Variants in FAM149A observed in about 807,000 individuals in gnomAD.
The protein encoded by FAM149A is protein FAM149A.
Under a neutral mutation model 78.2 loss-of-function variants are expected in FAM149A, and 71 were observed. The observed-to-expected ratio is 0.91, with a 90% CI of 0.75 to 1.11. The LOEUF (loss-of-function observed/expected upper bound fraction) is 1.11. Ranked by LOEUF, FAM149A falls within the 50% of genes least tolerant of loss-of-function variation. The probability of loss-of-function intolerance (pLI) is 0.00; values close to 1 mark genes in which losing one functional copy is unlikely to be tolerated. For missense variants in FAM149A, 1,036 were observed against 971.0 expected, an observed-to-expected ratio of 1.07 and a Z score of -0.89; for synonymous variants, 446 against 410.5, an observed-to-expected ratio of 1.09 and a Z score of -1.04.
At chr4:186,137,021 A>ACTCTCTCTCTCTCTCTCTCTCTCTCTCTC (rs1554068550) in intron 1 of FAM149A, among the ~76,000 whole-genome samples, 1 of 93,782 alleles carries the variant, frequency 1.1e-5, no homozygotes, top group East Asian at 4.8e-4. Flanking sequence ...TCTCTCTCTA[A>ACTCTCTCTCTCTCTCTCTCTCTCTCTCTC]GTGCTTAAAG....
chr4:186,130,911 G>A (rs1330643838), intron 1 of FAM149A, among the ~76,000 whole-genome samples: 2 of 152,138 alleles, frequency 1.3e-5, no homozygotes, highest in African/African-American at 4.8e-5. Context: ...GTGAAAAGAT[G>A]GTTGCTATGA....
intron 7 of FAM149A, among the ~76,000 whole-genome samples, chr4:186,156,921 A>AGCTATGATTGTGCCGCT (rs148148966): frequency 3.0e-4 from 46 of 151,942 alleles, no homozygotes; most frequent in Non-Finnish European, 6.6e-4. Context: ...ATTGAAAGTG[A>AGCTATGATTGTGCCGCT]GCACTCCATC....
intron 1 of FAM149A, among the ~76,000 whole-genome samples, chr4:186,126,714 C>T (rs1461630375): frequency 6.6e-6 from 1 of 152,122 alleles, no homozygotes; most frequent in Non-Finnish European, 1.5e-5. Flanking sequence ...CACACTCGGG[C>T]TGGATCACAC....
rs753727087 is a variant in FAM149A, at chr4:186,163,589, A to G, written c.1845A>G (p.Lys615=). Residue 615 remains lysine (K), a synonymous_variant, in exon 10 of 14, where the codon AAA becomes AAG. Transcript: ENST00000389354. ...TTGCTTCAGATTCACAGAGACTAAA[A>G]ACTCCCAACATCTATAGTGACGAAG... The G allele has an allele frequency of 3.7e-6, 6 of 1,614,128 alleles. No homozygotes were observed. The highest frequency in any genetic ancestry group is 8.5e-7 in the Non-Finnish European group (1 of 1,180,008).
chr4:186,152,505 T>C (rs74565951), intron 4 of FAM149A, among the ~76,000 whole-genome samples: 1,708 of 151,294 alleles, frequency 0.011, 42 homozygotes, highest in South Asian at 0.095. Context: ...AGAATATGGA[T>C]TGGGTATGAA....
intron 8 of FAM149A, chr4:186,157,995 A>AT: frequency 2.0e-6 from 3 of 1,485,812 alleles, no homozygotes; most frequent in Non-Finnish European, 2.7e-6. Flanking sequence ...TGGCTTCCAG[A>AT]TGGAGCAGTA....
chr4:186,173,739 T>C lies in FAM149A; in HGVS notation c.*1752T>C, dbSNP rs184387040. On this transcript the variant is annotated 3_prime_UTR_variant, in exon 14 of 14. Transcript: ENST00000389354. Reference sequence around the variant, plus strand: ...GCAGCGACCACCAGGTCCATGCCTCTTTTCCGTGGTCACAGCTCCATGTGT... The same window carrying C: ...GCAGCGACCACCAGGTCCATGCCTCCTTTCCGTGGTCACAGCTCCATGTGT... Among the ~76,000 whole-genome samples, 19 of 112,832 alleles carry C rather than the reference T, an allele frequency of 1.7e-4. 6 individuals carry two copies. Among genetic ancestry groups the C allele is most frequent in the Non-Finnish European group, 3.6e-4 (16 of 44,644 alleles). The allele number at this position is 112,832 out of a possible 152,430, so 74.0% of individuals were successfully genotyped here. A position where few individuals can be genotyped will look rare whatever the true frequency, so the allele number is the denominator to read the frequency against.
chr4:186,154,984 A>G (rs1358340860), intron 6 of FAM149A: 2 of 968,868 alleles, frequency 2.1e-6, no homozygotes, highest in African/African-American at 3.6e-5. Flanking sequence ...TTTTTTTGAG[A>G]CGGAGTCTCG....
chr4:186,161,738 A>G (rs1734624368), intron 8 of FAM149A, among the ~76,000 whole-genome samples: 1 of 152,208 alleles, frequency 6.6e-6, no homozygotes, highest in Non-Finnish European at 1.5e-5. Context: ...TTAACAGAAT[A>G]AAAATAGAGC....
chr4:186,144,807 G>A lies in FAM149A; in HGVS notation c.567-4366G>A. 1 of 981,800 alleles carries A rather than the reference G, an allele frequency of 1.0e-6. No homozygotes were observed. Among genetic ancestry groups the A allele is most frequent in the Non-Finnish European group, 1.2e-6 (1 of 827,026 alleles). 60.8% of individuals were successfully genotyped at this position (981,800 alleles called of 1,614,324 possible). A position where few individuals can be genotyped will look rare whatever the true frequency, so the allele number is the denominator to read the frequency against. On this transcript the variant is annotated intron_variant, in intron 1 of 13. Coordinates refer to ENST00000389354, the MANE Select transcript of FAM149A (RefSeq NM_001367768.3). The surrounding 1 kb of genome is among the most constrained non-coding windows in gnomAD (Gnocchi z 4.2). ...CTGGCGGGCGAGGGCGCAGCGCAGG[G>A]AGGAGGAGGGGAGGCGGCGCCGGCG...
At chr4:186,143,545 TTGTTTG>T (rs1304658059) in intron 1 of FAM149A, among the ~76,000 whole-genome samples, 1 of 152,066 alleles carries the variant, frequency 6.6e-6, no homozygotes, top group Non-Finnish European at 1.5e-5. Flanking sequence ...GATTACTGTT[TTGTTTG>T]TGTTTGTTTT....
intron 1 of FAM149A, among the ~76,000 whole-genome samples, chr4:186,148,051 G>C (rs1733195349): frequency 6.6e-6 from 1 of 152,202 alleles, no homozygotes; most frequent in Admixed American, 6.5e-5. Context: ...TGTTGGCTGG[G>C]TGTGGTGGCT....
At chr4:186,148,166 A>C (rs1030563560) in intron 1 of FAM149A, among the ~76,000 whole-genome samples, 4 of 152,128 alleles carry the variant, frequency 2.6e-5, no homozygotes, top group African/African-American at 9.7e-5. Context: ...GTCTCTACTA[A>C]AAATACAAAA....
chr4:186,144,645 T>G lies in FAM149A; in HGVS notation c.567-4528T>G, dbSNP rs1034913453. 1 of 214,668 alleles carries G rather than the reference T, an allele frequency of 4.7e-6. No individual in the cohort carries two copies. The highest frequency in any genetic ancestry group is 8.0e-6 in the Non-Finnish European group (1 of 124,906). 13.3% of individuals were successfully genotyped at this position (214,668 alleles called of 1,614,324 possible). A position where few individuals can be genotyped will look rare whatever the true frequency, so the allele number is the denominator to read the frequency against. On this transcript the variant is annotated intron_variant, in intron 1 of 13. Transcript: ENST00000389354. This position sits in a 1 kb window ranked among gnomAD's most constrained non-coding sequence, Gnocchi z 4.2. ...GGGAAGGAGTAGGGAGGCCGGGCCGTGCGCGGAGGAGTGGCCGCTGGGTTG... is the reference window on the plus strand; with the variant it reads ...GGGAAGGAGTAGGGAGGCCGGGCCGGGCGCGGAGGAGTGGCCGCTGGGTTG...
chr4:186,112,161 G>A (rs2099311565), intron 1 of FAM149A, among the ~76,000 whole-genome samples: 1 of 145,902 alleles, frequency 6.9e-6, no homozygotes, highest in Non-Finnish European at 1.5e-5. Flanking sequence ...TGAAGCAATT[G>A]TGAATGGGAG....
At chr4:186,121,790 T>G (rs980810008) in intron 1 of FAM149A, among the ~76,000 whole-genome samples, 1 of 152,244 alleles carries the variant, frequency 6.6e-6, no homozygotes, top group East Asian at 1.9e-4. Flanking sequence ...GTTGAAGTTC[T>G]GCTTCTGCTC....
chr4:186,136,838 C>T (rs4862645), intron 1 of FAM149A, among the ~76,000 whole-genome samples: 41 of 152,150 alleles, frequency 2.7e-4, no homozygotes, highest in Middle Eastern at 3.4e-3. Context: ...TCTGCCTTTC[C>T]GTCCACCTGT....
chr4:186,145,536 C>T (rs1325716860), intron 1 of FAM149A, among the ~76,000 whole-genome samples: 2 of 152,172 alleles, frequency 1.3e-5, no homozygotes, highest in East Asian at 3.8e-4. Flanking sequence ...AGCAGTGTGG[C>T]AGAGGTTTGT....
intron 1 of FAM149A, chr4:186,123,772 A>G (rs2099317048): frequency 2.2e-6 from 2 of 909,172 alleles, no homozygotes; most frequent in South Asian, 5.0e-5. Flanking sequence ...GTGACAAACT[A>G]ATGTGCTGGC....
Sources: gnomAD v4.1 joint callset for allele counts (sites outside exome capture counted in the v4.1 genomes callset) on GRCh38, gnomAD v4.1.1 for gene constraint, Gnocchi (gnomAD v3.1) non-coding constraint, MANE v1.5 for transcripts, NCBI Gene and HGNC (gene_info 2026-07-23, HGNC 2026-07-21) for gene names.